Variants in STPG2 observed in about 807,000 individuals in gnomAD.
STPG2 encodes the protein sperm tail PG-rich repeat containing 2, also known as sperm-tail PG-rich repeat-containing protein 2.
STPG2 carries 56 observed loss-of-function variants against 54.2 expected under a neutral mutation model. The ratio of observed to expected loss-of-function variants is 1.03; its 90% CI spans 0.83 to 1.29. The LOEUF (loss-of-function observed/expected upper bound fraction) is 1.29. Among genes scored for constraint, STPG2 ranks in the 50% most tolerant of loss-of-function variants. STPG2 has a pLI of 0.00. For missense variants in STPG2, 596 were observed against 544.9 expected (o/e 1.09, Z -0.93); for synonymous variants, 200 against 181.8 (o/e 1.10, Z -0.81).
intron 10 of STPG2, among the ~76,000 whole-genome samples, chr4:97,658,447 G>A (rs1439923953): frequency 2.0e-5 from 3 of 152,198 alleles, no homozygotes; most frequent in African/African-American, 7.2e-5. Flanking sequence ...GCGTGGCCTA[G>A]TAGGCTGCAG....
At chr4:97,865,495 G>T (rs190105935) in intron 8 of STPG2, among the ~76,000 whole-genome samples, 3 of 152,182 alleles carry the variant, frequency 2.0e-5, no homozygotes, top group African/African-American at 7.2e-5. Flanking sequence ...TGGTGGGACT[G>T]TAAACTAGTT....
intron 9 of STPG2, among the ~76,000 whole-genome samples, chr4:97,774,612 C>G (rs143449551): frequency 2.4e-4 from 37 of 152,068 alleles, no homozygotes; most frequent in African/African-American, 8.4e-4. Flanking sequence ...CTGTCTTTTG[C>G]TTTCTCTTGG....
At chr4:98,118,091 T>C (rs1349751618) in intron 3 of STPG2, among the ~76,000 whole-genome samples, 1 of 152,176 alleles carries the variant, frequency 6.6e-6, no homozygotes, top group African/African-American at 2.4e-5. Flanking sequence ...TTTCCAAGAC[T>C]AATTCTCTAA....
At chr4:97,947,765 T>C (rs1449763716) in intron 7 of STPG2, among the ~76,000 whole-genome samples, 2 of 152,172 alleles carry the variant, frequency 1.3e-5, no homozygotes, top group African/African-American at 4.8e-5. Flanking sequence ...CACTTGTTCA[T>C]GATGTATTAT....
At chr4:97,604,299 G>A (rs2148909265) in intron 10 of STPG2, among the ~76,000 whole-genome samples, 1 of 151,776 alleles carries the variant, frequency 6.6e-6, no homozygotes, top group South Asian at 2.1e-4. Context: ...ACATTGAATT[G>A]AACTGGGAAC....
intron 4 of STPG2, among the ~76,000 whole-genome samples, chr4:97,480,452 C>T (rs1730190748): frequency 6.6e-6 from 1 of 151,542 alleles, no homozygotes; most frequent in Non-Finnish European, 1.5e-5. Flanking sequence ...ACCTCCTTAT[C>T]TCATTTTAAG....
intron 8 of STPG2, among the ~76,000 whole-genome samples, chr4:97,904,259 A>T (rs374820375): frequency 1.3e-5 from 2 of 152,218 alleles, no homozygotes; most frequent in South Asian, 2.1e-4. Context: ...ATCTGAGAAC[A>T]GGCAGACTGC....
intron 4 of STPG2, among the ~76,000 whole-genome samples, chr4:97,489,121 G>A (rs896504710): frequency 1.1e-4 from 16 of 151,574 alleles, no homozygotes; most frequent in Non-Finnish European, 1.9e-4. Context: ...TTCCCTGCAC[G>A]AGCTCTCTCT....
In STPG2 at chr4:97,949,383, G is replaced by A. The variant is rs546256632; in HGVS notation, c.934-5376C>T. ...TTTTTCTTATCTAATCTGCCAATCT[G>A]TATATTTTAAGTGGACCATTACGCC... On this transcript the variant is annotated intron_variant, in intron 7 of 10. Coordinates refer to ENST00000295268, the MANE Select transcript of STPG2 (RefSeq NM_174952.3). Among the ~76,000 whole-genome samples, 5 of 152,102 alleles carry A rather than the reference G, an allele frequency of 3.3e-5. No individual in the cohort carries two copies. In the South Asian group the frequency reaches 1.0e-3, roughly 32 times the overall value.
At chr4:97,615,605 A>T (rs940811883) in intron 10 of STPG2, among the ~76,000 whole-genome samples, 3 of 151,906 alleles carry the variant, frequency 2.0e-5, no homozygotes, top group Non-Finnish European at 4.4e-5. Flanking sequence ...AAATCCCAAA[A>T]CTTACCATGG....
At chr4:97,508,442 A>G (rs1380317751) in intron 4 of STPG2, among the ~76,000 whole-genome samples, 1 of 152,132 alleles carries the variant, frequency 6.6e-6, no homozygotes, top group Non-Finnish European at 1.5e-5. Flanking sequence ...AAATCAATCA[A>G]TAAAAAATAA....
At chr4:97,634,658 G>C (rs911035184) in intron 10 of STPG2, among the ~76,000 whole-genome samples, 9 of 152,020 alleles carry the variant, frequency 5.9e-5, no homozygotes, top group South Asian at 2.1e-4. Flanking sequence ...AGCTGATGGA[G>C]CTGAAAACCA....
chr4:97,699,469 T>C (rs1221309522), intron 10 of STPG2, among the ~76,000 whole-genome samples: 2 of 152,188 alleles, frequency 1.3e-5, no homozygotes, highest in Non-Finnish European at 2.9e-5. Context: ...CTTCCATAAA[T>C]TTCTTTATCA....
chr4:97,450,053 A>G (rs932296151), intron 4 of STPG2, among the ~76,000 whole-genome samples: 1 of 152,216 alleles, frequency 6.6e-6, no homozygotes. Flanking sequence ...GGAACTGAAT[A>G]AAGTTTGTGG....
chr4:97,509,992 C>G (rs530795229), intron 4 of STPG2, among the ~76,000 whole-genome samples: 1 of 151,948 alleles, frequency 6.6e-6, no homozygotes, highest in African/African-American at 2.4e-5. Context: ...TTGTCTTCCA[C>G]GAAACTGACA....
rs145944334 is a variant in STPG2 at position 97,938,304 on chromosome 4, C to T, written c.1044+5593G>A. The stretch of plus-strand genomic sequence containing the variant: ...CTGCTGCCCAGCACCCCCAAGAGTC[C>T]GGTGTCTTAAGCTGCCAGCAGCCAC... On this transcript the variant is annotated intron_variant, in intron 8 of 10. Transcript: ENST00000295268. Among the ~76,000 whole-genome samples the T allele has an allele frequency of 5.2e-3, 799 of 152,320 alleles. 9 individuals carry two copies. Among genetic ancestry groups the T allele is most frequent in the Middle Eastern group, 0.02 (6 of 294 alleles).
In STPG2 at chr4:97,981,249, A is replaced by G; in HGVS notation, c.682T>C (p.Ser228Pro). The part of the protein sequence containing the change: ...TYNEPRTALK[S>P]LKKTSGLKNI... ...TTCAGTCCTGATGTTTTCTTCAAAGACTTGAGAGCAGTTCGAGGTTCATTA... is the reference window on the plus strand; with the variant it reads ...TTCAGTCCTGATGTTTTCTTCAAAGGCTTGAGAGCAGTTCGAGGTTCATTA... Residue 228 changes from serine (S) to proline (P), a missense_variant, in exon 6 of 11, where the codon TCT becomes CCT. Physicochemically the swap from Ser to Pro is moderately conservative, Grantham distance 74. Coordinates refer to ENST00000295268, the MANE Select transcript of STPG2 (RefSeq NM_174952.3). 1.2e-6 allele frequency: 2 copies of G among 1,613,994 alleles called. No homozygotes were observed. Among genetic ancestry groups the G allele is most frequent in the East Asian group, 2.2e-5 (1 of 44,826 alleles).
In STPG2 at chr4:97,481,284, ATAGAG is replaced by A. The variant is rs147090426; in HGVS notation, c.462+231410_462+231414del. Among the ~76,000 whole-genome samples, 279 of 151,674 alleles carry A rather than the reference ATAGAG, an allele frequency of 1.8e-3. 1 individual carries two copies. The highest frequency in any genetic ancestry group is 6.4e-3 in the African/African-American group (266 of 41,504). On this transcript the variant is annotated intron_variant, in intron 4 of 4. Transcript: ENST00000522676. ...TCAAACTATTTTGATATCTGTAATTATAGAGTATATTCTTGAAATTAAGTCCTAAA... is the reference window on the plus strand; with the variant it reads ...TCAAACTATTTTGATATCTGTAATTATATATTCTTGAAATTAAGTCCTAAA...
intron 7 of STPG2, among the ~76,000 whole-genome samples, chr4:97,964,860 A>G (rs1734032209): frequency 6.6e-6 from 1 of 152,170 alleles, no homozygotes; most frequent in African/African-American, 2.4e-5. Context: ...AGAATCCCAT[A>G]TGTAGTGCCA....
Sources: allele counts gnomAD v4.1 joint callset (sites outside exome capture counted in the v4.1 genomes callset), GRCh38; gene constraint gnomAD v4.1.1; transcripts MANE v1.5; gene names NCBI Gene and HGNC (gene_info 2026-07-23, HGNC 2026-07-21).